The following PTPRN2 variants were observed in gnomAD, a reference collection of about 807,000 sequenced individuals.
PTPRN2 encodes the protein receptor-type tyrosine-protein phosphatase N2.
A neutral mutation model predicts 118.8 loss-of-function variants in PTPRN2; 74 were observed. The ratio of observed to expected loss-of-function variants is 0.62; its 90% CI spans 0.52 to 0.76. PTPRN2 has a LOEUF of 0.76. Among genes scored for constraint, PTPRN2 ranks in the 30% least tolerant of loss-of-function variants. The probability of loss-of-function intolerance (pLI) is 0.00; values close to 1 mark genes in which losing one functional copy is unlikely to be tolerated. For missense variants in PTPRN2, 1,481 were observed against 1,394.4 expected (o/e 1.06, Z -0.99); for synonymous variants, 641 against 608.0 (o/e 1.05, Z -0.80).
chr7:158,532,706 C>CA, intron 1 of PTPRN2: 1 of 534,202 alleles, frequency 1.9e-6, no homozygotes, highest in Admixed American at 1.9e-5. Context: ...AACAAAACAA[C>CA]AAAAACCAGC....
chr7:157,669,863 C>T (rs1042189621), intron 13 of PTPRN2, among the ~76,000 whole-genome samples: 7 of 152,128 alleles, frequency 4.6e-5, no homozygotes, highest in African/African-American at 1.4e-4. Context: ...GGCCGGGCTC[C>T]GGGCATCCAG....
intron 2 of PTPRN2, among the ~76,000 whole-genome samples, chr7:158,484,954 T>A (rs1372284437): frequency 6.6e-6 from 1 of 152,118 alleles, no homozygotes; most frequent in Non-Finnish European, 1.5e-5. Flanking sequence ...CTCCCCACCA[T>A]CAGCGTGGCC....
At chr7:158,329,959 T>C (rs1283296211) in intron 2 of PTPRN2, among the ~76,000 whole-genome samples, 1 of 152,242 alleles carries the variant, frequency 6.6e-6, no homozygotes, top group East Asian at 1.9e-4. Context: ...TCCTCAGGTC[T>C]TGTATGGCGA....
chr7:157,950,440 A>G (rs941790029), intron 11 of PTPRN2, among the ~76,000 whole-genome samples: 1 of 152,064 alleles, frequency 6.6e-6, no homozygotes, highest in Non-Finnish European at 1.5e-5. Context: ...TCCTGCTCTA[A>G]AATGTTCAGA....
intron 2 of PTPRN2, among the ~76,000 whole-genome samples, chr7:158,340,670 ACCC>A (rs1806555601): frequency 1.0e-5 from 1 of 97,340 alleles, no homozygotes; most frequent in African/African-American, 3.8e-5. Context: ...CGTCACTCAC[ACCC>A]ACACTCTCAC....
intron 10 of PTPRN2, among the ~76,000 whole-genome samples, chr7:158,104,935 A>T (rs1340789134): frequency 4.2e-5 from 6 of 143,876 alleles, no homozygotes; most frequent in Admixed American, 4.1e-4. Context: ...GCTCCATCAA[A>T]CTCCATCCCA....
chr7:158,314,111 C>T (rs1323670634), intron 3 of PTPRN2, among the ~76,000 whole-genome samples: 1 of 152,184 alleles, frequency 6.6e-6, no homozygotes, highest in East Asian at 1.9e-4. Context: ...AGCACAGAAA[C>T]GTGATGATGT....
intron 2 of PTPRN2, among the ~76,000 whole-genome samples, chr7:158,385,888 G>A (rs537910329): frequency 1.3e-4 from 19 of 148,998 alleles, no homozygotes; most frequent in Middle Eastern, 3.6e-3. Flanking sequence ...CCCATGCCCC[G>A]AGTCCCTCCT....
Position 157,632,084 on chromosome 7 carries a change from C to T in PTPRN2, c.2197-10575G>A, listed in dbSNP as rs937447856. On this transcript the variant is annotated intron_variant, in intron 14 of 22. Coordinates refer to ENST00000389418, the MANE Select transcript of PTPRN2 (RefSeq NM_002847.5). This position sits in a 1 kb window ranked among gnomAD's most constrained non-coding sequence, Gnocchi z 4.3. The stretch of plus-strand genomic sequence containing the variant: ...TGGCTCTATCTTGATTGAGTAGAAA[C>T]TTTAATTAGTGTATTTTTATTATAA... Among the ~76,000 whole-genome samples the T allele has an allele frequency of 6.6e-6, 1 of 151,858 alleles. No homozygotes were observed. The highest frequency in any genetic ancestry group is 2.4e-5 in the African/African-American group (1 of 41,130).
At chr7:157,762,319 C>T (rs1032978550) in intron 12 of PTPRN2, among the ~76,000 whole-genome samples, 3 of 152,138 alleles carry the variant, frequency 2.0e-5, no homozygotes, top group Non-Finnish European at 4.4e-5. Flanking sequence ...GCATTATTCA[C>T]GATAGCAAAG....
intron 13 of PTPRN2, among the ~76,000 whole-genome samples, chr7:157,659,801 G>A (rs533563960): frequency 5.4e-4 from 82 of 152,112 alleles, no homozygotes; most frequent in Middle Eastern, 3.4e-3. Context: ...CTGGAGTGGA[G>A]AGGCACGATC....
At chr7:158,320,747 T>C (rs1253267365) in intron 2 of PTPRN2, among the ~76,000 whole-genome samples, 8 of 152,218 alleles carry the variant, frequency 5.3e-5, no homozygotes, top group Admixed American at 1.3e-4. Context: ...GTGTCCTTTA[T>C]TCTAGTAAAT....
At chr7:158,311,574 C>T (rs1161438297) in intron 3 of PTPRN2, among the ~76,000 whole-genome samples, 2 of 152,324 alleles carry the variant, frequency 1.3e-5, no homozygotes, top group East Asian at 3.9e-4. Context: ...GTGATGTACA[C>T]ATCTACCTGG....
intron 6 of PTPRN2, among the ~76,000 whole-genome samples, chr7:158,142,565 C>G (rs1392870627): frequency 6.6e-6 from 1 of 152,172 alleles, no homozygotes; most frequent in Non-Finnish European, 1.5e-5. Context: ...GCCGCGTACT[C>G]TTCTGTTTTT....
chr7:157,604,041 G>A lies in PTPRN2; in HGVS notation c.2379C>T (p.Asn793=), dbSNP rs779588463. 1.1e-5 allele frequency: 17 copies of A among 1,613,858 alleles called. No homozygotes were observed. In the East Asian group the frequency reaches 3.1e-4, roughly 30 times the overall value. The part of the protein sequence containing the change: ...DHSRVLLKAE[N]SHSHSDYINA... ...TGATGTAGTCTGAGTGGCTGTGGCTGTTCTCCGCCTTCAGCAGGACCCGGG... is the reference window on the plus strand; with the variant it reads ...TGATGTAGTCTGAGTGGCTGTGGCTATTCTCCGCCTTCAGCAGGACCCGGG... The change falls in exon 16 of 23, where the codon AAC becomes AAT. Residue 793 remains asparagine (N), a synonymous_variant. Coordinates refer to ENST00000389418, the MANE Select transcript of PTPRN2 (RefSeq NM_002847.5).
At chr7:158,204,184 C>A (rs1237176302) in intron 4 of PTPRN2, among the ~76,000 whole-genome samples, 1 of 151,478 alleles carries the variant, frequency 6.6e-6, no homozygotes, top group African/African-American at 2.4e-5. Flanking sequence ...GCAGCCGCCG[C>A]CCTCAGCGTG....
At chr7:158,178,830 G>A (rs1189877815) in intron 5 of PTPRN2, among the ~76,000 whole-genome samples, 2 of 151,992 alleles carry the variant, frequency 1.3e-5, no homozygotes, top group East Asian at 1.9e-4. Flanking sequence ...ATCTCTTGAG[G>A]TCATGATCCA....
At chr7:157,705,780 C>T (rs537799870) in intron 12 of PTPRN2, among the ~76,000 whole-genome samples, 9 of 144,664 alleles carry the variant, frequency 6.2e-5, no homozygotes, top group Middle Eastern at 4.2e-3. Flanking sequence ...TCCGGATAAA[C>T]GCGGACCATA....
intron 11 of PTPRN2, among the ~76,000 whole-genome samples, chr7:157,999,003 A>C (rs28602480): frequency 0.67 from 101,700 of 151,334 alleles, 34,591 homozygotes; most frequent in East Asian, 0.88. Context: ...AGTGACCCCT[A>C]CAGTGCTGAC....
Sources: allele counts gnomAD v4.1 joint callset (sites outside exome capture counted in the v4.1 genomes callset), GRCh38; gene constraint gnomAD v4.1.1; non-coding constraint Gnocchi (gnomAD v3.1); transcripts MANE v1.5; gene names NCBI Gene and HGNC (gene_info 2026-07-23, HGNC 2026-07-21).